Variants in SLIT1 observed in about 807,000 individuals in gnomAD.
SLIT1 encodes the protein slit guidance ligand 1.
Under a neutral mutation model 186.1 loss-of-function variants are expected in SLIT1, and 66 were observed. The observed-to-expected ratio is 0.35, with a 90% CI of 0.29 to 0.44. SLIT1 has a LOEUF of 0.44. Ranked by LOEUF, SLIT1 falls within the 20% of genes least tolerant of loss-of-function variation. The probability of loss-of-function intolerance (pLI) is 1.00; values close to 1 mark genes in which losing one functional copy is unlikely to be tolerated. For synonymous variants in SLIT1, 761 were observed against 833.8 expected, an observed-to-expected ratio of 0.91 and a Z score of 1.50; for missense variants, 1,638 against 2,037.4, an observed-to-expected ratio of 0.80 and a Z score of 3.77.
Position 97,037,618 on chromosome 10 carries a change from G to A in SLIT1, c.2366+80C>T, listed in dbSNP as rs192792078. 1,930 of 1,103,606 alleles carry A rather than the reference G, an allele frequency of 1.7e-3. 1 individual carries two copies. Among genetic ancestry groups the A allele is most frequent in the Non-Finnish European group, 2.3e-3 (1,652 of 723,168 alleles). The allele number at this position is 1,103,606 out of a possible 1,614,324, so 68.4% of individuals were successfully genotyped here. ...CAGGATCTGCCCAGAAGTGAGGTCC[G>A]TAGGAAATTCCAGGAAAGCCGGAGT... On this transcript the variant is annotated intron_variant, in intron 22 of 36. Transcript: ENST00000266058.
chr10:97,067,815 T>G (rs1848962828), intron 4 of SLIT1, among the ~76,000 whole-genome samples: 1 of 152,076 alleles, frequency 6.6e-6, no homozygotes, highest in Non-Finnish European at 1.5e-5. Flanking sequence ...CAGCCCCACC[T>G]CCTCCTCCTG....
At chr10:97,167,947 A>G (rs556734364) in intron 1 of SLIT1, among the ~76,000 whole-genome samples, 55 of 152,338 alleles carry the variant, frequency 3.6e-4, no homozygotes, top group African/African-American at 1.3e-3. Flanking sequence ...ACTGTAAGTC[A>G]ATTTAACCTC....
chr10:97,085,633 G>A (rs1849151760), intron 4 of SLIT1, among the ~76,000 whole-genome samples: 1 of 151,514 alleles, frequency 6.6e-6, no homozygotes, highest in Admixed American at 6.6e-5. Flanking sequence ...TGATCCGCCC[G>A]CCTCAGCCTC....
chr10:97,147,465 GA>G (rs1191427201), intron 4 of SLIT1, among the ~76,000 whole-genome samples: 2 of 151,804 alleles, frequency 1.3e-5, no homozygotes, highest in Non-Finnish European at 2.9e-5. Flanking sequence ...TGTTACAAAG[GA>G]AAAAAAAGAG....
At chr10:97,150,184 T>C (rs1849861918) in intron 4 of SLIT1, among the ~76,000 whole-genome samples, 1 of 152,178 alleles carries the variant, frequency 6.6e-6, no homozygotes, top group African/African-American at 2.4e-5. Context: ...TCTCGTGTGC[T>C]GGTGTCTCGG....
chr10:97,166,117 C>T (rs569534407), intron 1 of SLIT1, among the ~76,000 whole-genome samples: 10 of 152,230 alleles, frequency 6.6e-5, no homozygotes, highest in Admixed American at 1.3e-4. Context: ...GCCCAGTCTT[C>T]TCACTTGGCC....
At chr10:97,114,213 A>T (rs1444187338) in intron 4 of SLIT1, among the ~76,000 whole-genome samples, 2 of 152,296 alleles carry the variant, frequency 1.3e-5, no homozygotes, top group Admixed American at 6.5e-5. Context: ...TTCAACATGG[A>T]GCAGCCACGG....
Position 97,043,444 on chromosome 10 carries a change from G to C in SLIT1, c.1923C>G (p.Leu641=). The C allele has an allele frequency of 6.2e-7, 1 of 1,614,026 alleles. No individual in the cohort carries two copies. Among genetic ancestry groups the C allele is most frequent in the African/African-American group, 1.3e-5 (1 of 75,052 alleles). Residue 641 remains leucine (L), a synonymous_variant, in exon 19 of 37, where the codon CTC becomes CTG. Transcript: ENST00000266058. This position sits in a 1 kb window ranked among gnomAD's most constrained non-coding sequence, Gnocchi z 7.0. Reference sequence around the variant, plus strand: ...TGATCTGGTTGTCGTAGAGCGAGAGGAGCCGGACGTTGCGCAGGCCCGTGA... The same window carrying C: ...TGATCTGGTTGTCGTAGAGCGAGAGCAGCCGGACGTTGCGCAGGCCCGTGA... ...DSFTGLRNVR[L]LSLYDNQITT...
intron 4 of SLIT1, among the ~76,000 whole-genome samples, chr10:97,070,169 A>G (rs2134645094): frequency 6.6e-6 from 1 of 152,330 alleles, no homozygotes; most frequent in East Asian, 1.9e-4. Flanking sequence ...CAATCTCATG[A>G]AAAACCCCAA....
chr10:97,048,539 A>C (rs1848756849), intron 14 of SLIT1, among the ~76,000 whole-genome samples: 1 of 152,194 alleles, frequency 6.6e-6, no homozygotes, highest in African/African-American at 2.4e-5. Flanking sequence ...ACCTTCAGCA[A>C]GCCTTGCTTC....
chr10:97,046,584 T>C, intron 18 of SLIT1, 70 bp downstream of exon 18: 3 of 1,469,576 alleles, frequency 2.0e-6, no homozygotes, highest in Middle Eastern at 2.2e-4. Context: ...CCAGCCTCTC[T>C]CTTCCTTTCC....
intron 2 of SLIT1, among the ~76,000 whole-genome samples, chr10:97,163,896 G>A (rs778939892): frequency 5.3e-5 from 8 of 152,256 alleles, no homozygotes; most frequent in Non-Finnish European, 7.3e-5. Context: ...ACAGAACGGG[G>A]GGACCGGCCA....
At chr10:97,027,074 A>G (rs180767810) in intron 25 of SLIT1, among the ~76,000 whole-genome samples, 1 of 152,298 alleles carries the variant, frequency 6.6e-6, no homozygotes, top group Non-Finnish European at 1.5e-5. Context: ...CCAGAGTCAG[A>G]TCAGGAGCAG....
chr10:97,006,509 A>G lies in SLIT1; in HGVS notation c.3553T>C (p.Trp1185Arg). The stretch of plus-strand genomic sequence containing the variant: ...TGCAACGTGATGTTGGCCCGTGGCC[A>G]GTTTTGCAGGTCAGTGAACTGCAGG... ...TYLQFTDLQN[W>R]PRANITLQVS... The change falls in exon 32 of 37, where the codon TGG becomes CGG. Residue 1185 changes from tryptophan (W) to arginine (R), a missense_variant. Trp to Arg is a moderately radical substitution (Grantham distance 101). Around this residue, in one of 3 missense-constraint regions of SLIT1, gnomAD observed 173 missense variants for 290.9 expected, o/e 0.59. Transcript: ENST00000266058. The surrounding 1 kb of genome is among the most constrained non-coding windows in gnomAD (Gnocchi z 4.0). 6.2e-7 allele frequency: 1 copy of G among 1,613,984 alleles called. No homozygotes were observed. The highest frequency in any genetic ancestry group is 8.5e-7 in the Non-Finnish European group (1 of 1,179,852).
In SLIT1 at chr10:96,999,286, T is replaced by C. The variant is rs1848278406; in HGVS notation, c.*1826A>G. The C allele has an allele frequency of 6.6e-6, 1 of 152,356 alleles. No homozygotes were observed. The highest frequency in any genetic ancestry group is 1.9e-4 in the East Asian group (1 of 5,170). The allele number at this position is 152,356 out of a possible 1,614,324, so 9.4% of individuals were successfully genotyped here. Reference sequence around the variant, plus strand: ...TCCTGCCATGAGGACACCTGCCACATTGGGCAGGGCACTGCCCTCTTCCCA... The same window carrying C: ...TCCTGCCATGAGGACACCTGCCACACTGGGCAGGGCACTGCCCTCTTCCCA... On this transcript the variant is annotated 3_prime_UTR_variant, in exon 37 of 37. Coordinates refer to ENST00000266058, the MANE Select transcript of SLIT1 (RefSeq NM_003061.3).
At chr10:97,045,376 A>G (rs986995970) in intron 18 of SLIT1, among the ~76,000 whole-genome samples, 5 of 152,348 alleles carry the variant, frequency 3.3e-5, no homozygotes, top group South Asian at 2.1e-4. Context: ...CAGGTTACTA[A>G]ATAAAATGTA....
At chr10:97,100,575 G>T (rs897794363) in intron 4 of SLIT1, among the ~76,000 whole-genome samples, 1 of 151,396 alleles carries the variant, frequency 6.6e-6, no homozygotes, top group African/African-American at 2.4e-5. Context: ...GGCAGAGGCT[G>T]CAGTGAGCCA....
At position 97,037,748 on chromosome 10, in the gene SLIT1, C is replaced by A; in HGVS notation, c.2316G>T (p.Gln772His). The A allele has an allele frequency of 6.2e-7, 1 of 1,608,324 alleles. No homozygotes were observed. The highest frequency in any genetic ancestry group is 8.5e-7 in the Non-Finnish European group (1 of 1,175,278). ...ACAGCTGTCCCGGAACCAGCGTGAACTGGTTCCCGTCCAAATAGCTGCAGA... is the reference window on the plus strand; with the variant it reads ...ACAGCTGTCCCGGAACCAGCGTGAAATGGTTCCCGTCCAAATAGCTGCAGA... Reference protein sequence around the residue: ...NVTELYLDGNQFTLVPGQLST... With the variant: ...NVTELYLDGNHFTLVPGQLST... Residue 772 changes from glutamine (Q) to histidine (H), a missense_variant, in exon 22 of 37, where the codon CAG becomes CAT. Gln to His is a conservative substitution (Grantham distance 24, BLOSUM62 0). Coordinates refer to ENST00000266058, the MANE Select transcript of SLIT1 (RefSeq NM_003061.3).
Position 97,030,818 on chromosome 10 carries a change from C to A in SLIT1, c.2521G>T (p.Gly841Cys), listed in dbSNP as rs780888083. Residue 841 changes from glycine to cysteine, a missense_variant, in exon 25 of 37, where the codon GGC (glycine) becomes TGC (cysteine). Around this residue, in one of 3 missense-constraint regions of SLIT1, gnomAD observed 1,245 missense variants for 1,535.3 expected, o/e 0.81. Transcript: ENST00000266058. ...TCTTGGAGGGTGGAGATGTCATTGC[C>A]GTGGAGAGACCTGAGAAGGGAAGAG... ...LRSLRLLSLH[G>C]NDISTLQEGI... 4 of 1,613,908 alleles carry A rather than the reference C, an allele frequency of 2.5e-6. No homozygotes were observed. The Admixed American group carries it at 5.0e-5, about 20-fold the overall frequency.
Sources: allele counts gnomAD v4.1 joint callset (sites outside exome capture counted in the v4.1 genomes callset), GRCh38; gene constraint gnomAD v4.1.1; regional missense constraint gnomAD v4.1.1; non-coding constraint Gnocchi (gnomAD v3.1); transcripts MANE v1.5; gene names NCBI Gene and HGNC (gene_info 2026-07-23, HGNC 2026-07-21).